ADGRL3: variants seen among roughly 807,000 people sequenced by gnomAD.
The protein encoded by ADGRL3 is adhesion G protein-coupled receptor L3, also known as calcium-independent alpha-latrotoxin receptor 3.
Under a neutral mutation model 153.5 loss-of-function variants are expected in ADGRL3, and 62 were observed. The ratio of observed to expected loss-of-function variants is 0.40; its 90% CI spans 0.33 to 0.50. The LOEUF (loss-of-function observed/expected upper bound fraction) is 0.50. ADGRL3 is among the 20% of genes least tolerant of loss of function. The probability of loss-of-function intolerance (pLI) is 0.47; values close to 1 mark genes in which losing one functional copy is unlikely to be tolerated. For missense variants in ADGRL3, 1,641 were observed against 1,859.4 expected (o/e 0.88, Z 2.16); for synonymous variants, 710 against 672.5 (o/e 1.06, Z -0.86).
chr4:61,857,080 CT>C (rs1350241404), intron 9 of ADGRL3, among the ~76,000 whole-genome samples: 34 of 145,752 alleles, frequency 2.3e-4, no homozygotes, highest in African/African-American at 8.6e-4. Context: ...TTCTTTCTTT[CT>C]TTTTTTCTTT....
At chr4:61,362,943 G>A (rs1166618432) in intron 1 of ADGRL3, among the ~76,000 whole-genome samples, 2 of 151,944 alleles carry the variant, frequency 1.3e-5, no homozygotes, top group Non-Finnish European at 2.9e-5. Context: ...GCTTTGTATA[G>A]CCATTTACCA....
At chr4:61,771,198 A>G (rs1006959115) in intron 8 of ADGRL3, among the ~76,000 whole-genome samples, 4 of 152,136 alleles carry the variant, frequency 2.6e-5, no homozygotes, top group Non-Finnish European at 4.4e-5. Context: ...TAAGGAATGG[A>G]ATTTTCCACT....
rs79824786 is a variant in ADGRL3 at position 61,331,658 on chromosome 4, T to C, written c.-239-51466T>C. 4.9e-3 allele frequency among the ~76,000 whole-genome samples: 739 copies of C among 152,242 alleles called. 6 individuals carry two copies. Among genetic ancestry groups the C allele is most frequent in the African/African-American group, 0.016 (685 of 41,544 alleles). ...TGATTTTGCCATATAGATATTTGAA[T>C]TTTGTATTTAGTTATCTTTAAGTAC... is the stretch of plus-strand genomic sequence containing the variant. On this transcript the variant is annotated intron_variant, in intron 1 of 26. Coordinates refer to ENST00000683033, the MANE Select transcript of ADGRL3 (RefSeq NM_001387552.1).
intron 5 of ADGRL3, among the ~76,000 whole-genome samples, chr4:61,591,195 T>C (rs556033619): frequency 6.6e-6 from 1 of 152,316 alleles, no homozygotes; most frequent in African/African-American, 2.4e-5. Context: ...ATTGTATACT[T>C]TTTGTCCGGC....
chr4:61,389,506 T>C (rs1271404621), intron 2 of ADGRL3, among the ~76,000 whole-genome samples: 1 of 152,214 alleles, frequency 6.6e-6, no homozygotes, highest in Non-Finnish European at 1.5e-5. Flanking sequence ...GAGCCAGATG[T>C]TAATTTTCAT....
In ADGRL3 at chr4:62,071,462, G is replaced by T; in HGVS notation, c.*554G>T. On this transcript the variant is annotated 3_prime_UTR_variant, in exon 27 of 27. Transcript: ENST00000683033. ...ACAACAAAATTAATAATGAAATGGA[G>T]GGGAATTCTAGAATTATATGCTAAA... The T allele has an allele frequency of 5.9e-6, 1 of 169,170 alleles. No homozygotes were observed. Among genetic ancestry groups the T allele is most frequent in the Middle Eastern group, 2.6e-3 (1 of 392 alleles). The allele number at this position is 169,170 out of a possible 1,614,324, so 10.5% of individuals were successfully genotyped here.
chr4:62,007,274 G>T (rs1445808426), intron 21 of ADGRL3, among the ~76,000 whole-genome samples: 1 of 146,150 alleles, frequency 6.8e-6, no homozygotes, highest in Non-Finnish European at 1.5e-5. Flanking sequence ...AGGGAATCTG[G>T]GAAAGCAAAG....
intron 9 of ADGRL3, among the ~76,000 whole-genome samples, chr4:61,820,210 A>G (rs1256271376): frequency 6.6e-6 from 1 of 152,182 alleles, no homozygotes; most frequent in Non-Finnish European, 1.5e-5. Flanking sequence ...TGCAGTTGCA[A>G]AGTAGCCACT....
In ADGRL3 at chr4:62,044,322, A is replaced by G. The variant is rs1298095860; in HGVS notation, c.3718-131A>G. ...GTTCTCATGCTACTGTACTGCAAAC[A>G]TGTAGTTGTCTATTTGCCAAATGCT... is the stretch of plus-strand genomic sequence containing the variant. On this transcript the variant is annotated intron_variant, in intron 24 of 26. Coordinates refer to ENST00000683033, the MANE Select transcript of ADGRL3 (RefSeq NM_001387552.1). The G allele has an allele frequency of 4.6e-6, 3 of 651,942 alleles. No homozygotes were observed. In the African/African-American group the frequency reaches 5.5e-5, roughly 12 times the overall value. 40.4% of individuals were successfully genotyped at this position (651,942 alleles called of 1,614,324 possible).
At chr4:61,370,532 G>A (rs1229600818) in intron 1 of ADGRL3, among the ~76,000 whole-genome samples, 1 of 152,176 alleles carries the variant, frequency 6.6e-6, no homozygotes, top group South Asian at 2.1e-4. Context: ...CCATGTAGTT[G>A]AGTGGTTTTG....
chr4:61,405,581 C>T (rs956787709), intron 2 of ADGRL3, among the ~76,000 whole-genome samples: 1 of 151,662 alleles, frequency 6.6e-6, no homozygotes, highest in Non-Finnish European at 1.5e-5. Flanking sequence ...TTATTCAAAC[C>T]CCCTGTAGTC....
intron 25 of ADGRL3, among the ~76,000 whole-genome samples, chr4:62,061,610 C>T (rs1240829104): frequency 6.6e-6 from 1 of 151,992 alleles, no homozygotes; most frequent in African/African-American, 2.4e-5. Context: ...TACTCACTTA[C>T]CTCCATCCTC....
chr4:62,021,304 C>A (rs566297480), intron 21 of ADGRL3, among the ~76,000 whole-genome samples: 1 of 152,060 alleles, frequency 6.6e-6, no homozygotes, highest in Non-Finnish European at 1.5e-5. Flanking sequence ...CAGCATGTAT[C>A]CCCACTTCAC....
At chr4:62,034,480 T>C (rs1723907602) in intron 23 of ADGRL3, among the ~76,000 whole-genome samples, 1 of 151,808 alleles carries the variant, frequency 6.6e-6, no homozygotes, top group Non-Finnish European at 1.5e-5. Flanking sequence ...GTGTCAAGAA[T>C]ATGGGCCAAC....
At chr4:61,327,974 G>A (rs537812730) in intron 1 of ADGRL3, among the ~76,000 whole-genome samples, 2 of 152,212 alleles carry the variant, frequency 1.3e-5, no homozygotes, top group Admixed American at 1.3e-4. Flanking sequence ...TCAAGGAATT[G>A]GCAGTGAGAA....
At chr4:61,507,398 G>T (rs1001092165) in intron 3 of ADGRL3, among the ~76,000 whole-genome samples, 5 of 151,962 alleles carry the variant, frequency 3.3e-5, no homozygotes, top group Admixed American at 2.0e-4. Context: ...TCTGCAGACA[G>T]ATAAAAAACC....
At chr4:61,650,297 C>G (rs2094198100) in intron 5 of ADGRL3, among the ~76,000 whole-genome samples, 1 of 152,016 alleles carries the variant, frequency 6.6e-6, no homozygotes, top group Non-Finnish European at 1.5e-5. Context: ...GTGATTAATT[C>G]TCTCAAAATA....
chr4:62,069,590 A>T (rs1026133803), intron 26 of ADGRL3, among the ~76,000 whole-genome samples: 1 of 152,056 alleles, frequency 6.6e-6, no homozygotes, highest in African/African-American at 2.4e-5. Flanking sequence ...ATATCAATTT[A>T]TTAGACACTG....
chr4:61,209,073 A>G (rs1560356627), intron 1 of ADGRL3, among the ~76,000 whole-genome samples: 1 of 152,212 alleles, frequency 6.6e-6, no homozygotes, highest in East Asian at 1.9e-4. Context: ...TATAAGTTAT[A>G]TACATTTTGG....
Sources: allele counts gnomAD v4.1 joint callset (sites outside exome capture counted in the v4.1 genomes callset), GRCh38; gene constraint gnomAD v4.1.1; transcripts MANE v1.5; gene names NCBI Gene and HGNC (gene_info 2026-07-23, HGNC 2026-07-21).